The following ARFGAP1 variants were observed in gnomAD, a reference collection of about 807,000 sequenced individuals.
ARFGAP1 encodes ARF GTPase activating protein 1.
Under a neutral mutation model 54.0 loss-of-function variants are expected in ARFGAP1, and 26 were observed. That is an observed-to-expected ratio of 0.48 (90% CI 0.35 to 0.67). The LOEUF (loss-of-function observed/expected upper bound fraction) is 0.67. Ranked by LOEUF, ARFGAP1 falls within the 30% of genes least tolerant of loss-of-function variation. The pLI is 0.00. For synonymous variants in ARFGAP1, 248 were observed against 211.9 expected (o/e 1.17, Z -1.48); for missense variants, 525 against 535.8 (o/e 0.98, Z 0.20).
In ARFGAP1 at chr20:63,277,219, C is replaced by T. The variant is rs781708806; in HGVS notation, c.357C>T (p.Ala119=). Residue 119 remains alanine (A), a synonymous_variant, in exon 5 of 13, where the codon GCC becomes GCT. Transcript: ENST00000370283. Reference sequence around the variant, plus strand: ...CTCCTTGTCAGGTGGTCGCTCTGGCCGAAGGCAGAGAGTGGTCTCTGGAGT... The same window carrying T: ...CTCCTTGTCAGGTGGTCGCTCTGGCTGAAGGCAGAGAGTGGTCTCTGGAGT... ...ALFRDKVVAL[A]EGREWSLESS... 1.9e-5 allele frequency: 30 copies of T among 1,612,256 alleles called. No homozygotes were observed. The highest frequency in any genetic ancestry group is 6.7e-5 in the Admixed American group (4 of 59,956).
In ARFGAP1 at chr20:63,287,592, A is replaced by G. The variant is rs1381983213; in HGVS notation, c.940A>G (p.Ser314Gly). The stretch of plus-strand genomic sequence containing the variant: ...CTCGGAGGGCCACAGTTATCAGAAC[A>G]GCGGTCTGGACCACTTCCAAAACAG... Reference protein sequence around the residue: ...SPSEGHSYQNSGLDHFQNSNI... With the variant: ...SPSEGHSYQNGGLDHFQNSNI... The change falls in exon 13 of 13, where the codon AGC becomes GGC. Residue 314 changes from serine to glycine, a missense_variant. This residue lies in a region of ARFGAP1 where 466 missense variants were observed against 453.6 expected (regional missense o/e 1.03). Transcript: ENST00000370283. The G allele has an allele frequency of 6.2e-7, 1 of 1,604,402 alleles. No individual in the cohort carries two copies. Among genetic ancestry groups the G allele is most frequent in the African/African-American group, 1.3e-5 (1 of 74,724 alleles).
chr20:63,285,986 C>A, intron 11 of ARFGAP1: 1 of 1,524,458 alleles, frequency 6.6e-7, no homozygotes, highest in South Asian at 1.2e-5. Context: ...TAAGTGCCAG[C>A]GCCGTCTTTG....
rs199635124 is a variant in ARFGAP1 at position 63,286,090 on chromosome 20, A to G, written c.835-276A>G. 3,850 of 1,550,142 alleles carry G rather than the reference A, an allele frequency of 2.5e-3. 12 individuals are homozygous for G. The highest frequency in any genetic ancestry group is 8.0e-3 in the South Asian group (670 of 84,056). On this transcript the variant is annotated intron_variant, in intron 11 of 12. Transcript: ENST00000370283. ...CGCTCTGCGGACAGACGGGGAGGGA[A>G]GAGCAGGCCTCGCTCCTCCCCCCCA...
chr20:63,286,465 C>T, intron 12 of ARFGAP1, 23 bp downstream of exon 12: 1 of 1,607,098 alleles, frequency 6.2e-7, no homozygotes, highest in South Asian at 1.1e-5. Context: ...CCCTCCTGGG[C>T]CTTGCATCCC....
intron 2 of ARFGAP1, among the ~76,000 whole-genome samples, chr20:63,275,848 G>C (rs1289128930): frequency 2.0e-5 from 3 of 152,246 alleles, no homozygotes; most frequent in East Asian, 1.9e-4. Flanking sequence ...AGTGCTGGCT[G>C]TCGGGGGTGG....
At chr20:63,283,070 G>A (rs530180701) in intron 9 of ARFGAP1, 56 of 586,108 alleles carry the variant, frequency 9.6e-5, no homozygotes, top group Non-Finnish European at 1.4e-4. Flanking sequence ...GGCCAAACTC[G>A]TTTCCTGTTC....
In ARFGAP1 at chr20:63,277,386, C is replaced by G. The variant is rs538150707; in HGVS notation, c.443+81C>G. On this transcript the variant is annotated intron_variant, in intron 5 of 12. Transcript: ENST00000370283. ...GATTGGGTTTCCCACAGAATTCTCC[C>G]CTTCTTTGCTGTTGTGACAGCTCTT... 10 of 1,231,462 alleles carry G rather than the reference C, an allele frequency of 8.1e-6. No homozygotes were observed. The Admixed American group carries it at 1.7e-4, about 21-fold the overall frequency. 76.3% of individuals were successfully genotyped at this position (1,231,462 alleles called of 1,614,324 possible).
intron 9 of ARFGAP1, chr20:63,284,491 G>C (rs2067471623): frequency 8.9e-7 from 1 of 1,123,796 alleles, no homozygotes; most frequent in Admixed American, 4.3e-5. Context: ...GCCTGCCTGG[G>C]GAGGAAGGAG....
intron 7 of ARFGAP1, chr20:63,279,269 G>A (rs979390155): frequency 1.3e-5 from 7 of 534,700 alleles, no homozygotes; most frequent in South Asian, 3.2e-5. Context: ...GCAGTGGTGC[G>A]ACCTCAGCTC....
At chr20:63,277,112 A>C (rs2123223544) in intron 4 of ARFGAP1, 93 bp from the exon 5 acceptor site, 1 of 1,086,920 alleles carries the variant, frequency 9.2e-7, no homozygotes, top group East Asian at 2.6e-5. Context: ...TGGGTGCTCC[A>C]GGCGGGCCGT....
At chr20:63,282,345 G>A (rs1438581189) in intron 8 of ARFGAP1, among the ~76,000 whole-genome samples, 1 of 152,238 alleles carries the variant, frequency 6.6e-6, no homozygotes, top group East Asian at 1.9e-4. Flanking sequence ...TCACGACCGG[G>A]CCTTTTCTCC....
At position 63,286,448 on chromosome 20, in the gene ARFGAP1, C is replaced by T. The variant is rs777899219; in HGVS notation, c.911+6C>T. ...GCAGAGGGCCCCTTGGACAGGTATG[C>T]TGTGTCCCCTCCTGGGCCTTGCATC... On this transcript the variant is annotated splice_donor_region_variant and intron_variant, in intron 12 of 12. Transcript: ENST00000370283. 2 of 1,612,536 alleles carry T rather than the reference C, an allele frequency of 1.2e-6. No individual in the cohort carries two copies. The highest frequency in any genetic ancestry group is 1.7e-6 in the Non-Finnish European group (2 of 1,179,548).
intron 9 of ARFGAP1, chr20:63,283,398 C>G (rs1383992985): frequency 5.0e-6 from 1 of 198,356 alleles, no homozygotes; most frequent in African/African-American, 2.3e-5. Context: ...TCCTCGGGTT[C>G]AGAATCACAC....
chr20:63,287,303 G>A (rs1439311604), intron 12 of ARFGAP1, among the ~76,000 whole-genome samples: 1 of 152,232 alleles, frequency 6.6e-6, no homozygotes, highest in Non-Finnish European at 1.5e-5. Flanking sequence ...GTTTGGAGCT[G>A]GTAGAAAAGG....
At chr20:63,275,760 C>A in intron 2 of ARFGAP1, 120 bp downstream of exon 2, 1 of 1,008,274 alleles carries the variant, frequency 9.9e-7, no homozygotes. Context: ...GTTGGCGTGG[C>A]TCTGGACGTG....
rs151256666 is a variant in ARFGAP1, at chr20:63,287,565, C to T, written c.913C>T (p.Pro305Ser). 99 of 1,581,452 alleles carry T rather than the reference C, an allele frequency of 6.3e-5. No homozygotes were observed. In the African/African-American group the frequency reaches 1.1e-3, roughly 18 times the overall value. ...GTCCCCCTTCTGTCTCTTTAAAAGC[C>T]CCTCGGAGGGCCACAGTTATCAGAA... is the stretch of plus-strand genomic sequence containing the variant. ...SGKAEGPLDS[P>S]SEGHSYQNSG... Residue 305 changes from proline to serine, a missense_variant and splice_region_variant, in exon 13 of 13, where the codon CCC becomes TCC. Transcript: ENST00000370283.
At chr20:63,281,218 C>T in intron 7 of ARFGAP1, 73 bp from the exon 8 acceptor site, 1 of 1,494,296 alleles carries the variant, frequency 6.7e-7, no homozygotes, top group Non-Finnish European at 9.1e-7. Context: ...CTCTTCCTTG[C>T]TGAGATACTC....
At chr20:63,278,044 C>A in intron 5 of ARFGAP1, 73 bp from the exon 6 acceptor site, 1 of 1,408,990 alleles carries the variant, frequency 7.1e-7, no homozygotes, top group Non-Finnish European at 1.0e-6. Flanking sequence ...CCACATGGTT[C>A]TGGGGGTGCT....
chr20:63,277,748 A>G (rs1263132493), intron 5 of ARFGAP1, among the ~76,000 whole-genome samples: 1 of 152,200 alleles, frequency 6.6e-6, no homozygotes, highest in Non-Finnish European at 1.5e-5. Context: ...TCCCCACCTC[A>G]TCTGGAGCCC....
Sources: gnomAD v4.1 joint callset for allele counts (sites outside exome capture counted in the v4.1 genomes callset) on GRCh38, gnomAD v4.1.1 for gene constraint, gnomAD v4.1.1 regional missense constraint, MANE v1.5 for transcripts, NCBI Gene and HGNC (gene_info 2026-07-23, HGNC 2026-07-21) for gene names.